COPRS: variants seen among roughly 807,000 people sequenced by gnomAD.
COPRS encodes the protein cooperator of PRMT5.
A neutral mutation model predicts 19.9 loss-of-function variants in COPRS; 11 were observed. The ratio of observed to expected loss-of-function variants is 0.55; its 90% CI spans 0.35 to 0.92. The LOEUF (loss-of-function observed/expected upper bound fraction) is 0.92. COPRS is among the 40% of genes least tolerant of loss of function. The pLI, the probability that COPRS is intolerant of heterozygous loss-of-function variation, is 0.01. For synonymous variants in COPRS, 81 were observed against 82.7 expected (o/e 0.98, Z 0.11); for missense variants, 225 against 229.9 (o/e 0.98, Z 0.14).
At chr17:31,855,056 G>A (rs1909290765) in intron 2 of COPRS, among the ~76,000 whole-genome samples, 1 of 152,142 alleles carries the variant, frequency 6.6e-6, no homozygotes, top group East Asian at 1.9e-4. Context: ...TCTGTAAAAT[G>A]AAGATAGGGT....
chr17:31,854,887 G>C (rs1909284722), intron 2 of COPRS, among the ~76,000 whole-genome samples: 1 of 152,182 alleles, frequency 6.6e-6, no homozygotes, highest in Non-Finnish European at 1.5e-5. Flanking sequence ...AAAGATTCTG[G>C]AACTAGGTAG....
chr17:31,858,875 A>AG (rs1909443771), intron 1 of COPRS: 1 of 1,537,418 alleles, frequency 6.5e-7, no homozygotes, highest in African/African-American at 1.4e-5. Context: ...GCTGACCCAG[A>AG]GCGCCCACCC....
chr17:31,855,146 T>C (rs913113069), intron 2 of COPRS, among the ~76,000 whole-genome samples: 2 of 149,082 alleles, frequency 1.3e-5, no homozygotes, highest in African/African-American at 2.5e-5. Context: ...GAGGCCGAGG[T>C]GGGCGGATCA....
rs1236022563 is a variant in COPRS at position 31,851,920 on chromosome 17, A to AAC, written c.*217_*218dup. 1.9e-5 allele frequency: 10 copies of AAC among 533,828 alleles called. No individual in the cohort carries two copies. The Admixed American group carries it at 2.7e-4, about 15-fold the overall frequency. 33.1% of individuals were successfully genotyped at this position (533,828 alleles called of 1,614,324 possible). On this transcript the variant is annotated 3_prime_UTR_variant, in exon 4 of 4. Coordinates refer to ENST00000302362, the MANE Select transcript of COPRS (RefSeq NM_018405.4). ...AAAGAACACAACTCCTCTTGACACA[A>AAC]ACACACACACATTTCAAGGAGGAGC...
At chr17:31,858,876 G>C in intron 1 of COPRS, 1 of 1,537,714 alleles carries the variant, frequency 6.5e-7, no homozygotes, top group Non-Finnish European at 8.7e-7. Flanking sequence ...CTGACCCAGA[G>C]CGCCCACCCA....
intron 2 of COPRS, among the ~76,000 whole-genome samples, chr17:31,856,335 A>C (rs1259906531): frequency 6.6e-6 from 1 of 151,340 alleles, no homozygotes; most frequent in East Asian, 1.9e-4. Flanking sequence ...CTCCGTTTCA[A>C]AAAAAAAAGA....
At position 31,852,240 on chromosome 17, in the gene COPRS, C is replaced by G; in HGVS notation, c.454G>C (p.Asp152His). The change falls in exon 4 of 4, where the codon GAC becomes CAC. Residue 152 changes from aspartate (D) to histidine (H), a missense_variant. Around this residue, in one of 3 missense-constraint regions of COPRS, gnomAD observed 170 missense variants for 171.4 expected, o/e 0.99. Transcript: ENST00000302362. ...KPWVCCAPQG[D>H]MIYDPSWHHP... is the part of the protein sequence containing the mutation. ...TGCCAGCTGGGGTCATAGATCATGT[C>G]TCCTTGTGGGGCACAGCACACCCAA... 2 of 1,614,090 alleles carry G rather than the reference C, an allele frequency of 1.2e-6. No homozygotes were observed. The highest frequency in any genetic ancestry group is 1.7e-6 in the Non-Finnish European group (2 of 1,179,980).
chr17:31,857,286 G>C (rs1035426980), intron 1 of COPRS, among the ~76,000 whole-genome samples: 2 of 152,202 alleles, frequency 1.3e-5, no homozygotes, highest in Admixed American at 6.5e-5. Flanking sequence ...CAGCTCTGCA[G>C]AGCCTTTTCC....
chr17:31,858,891 C>G, intron 1 of COPRS: 1 of 1,525,092 alleles, frequency 6.6e-7, no homozygotes, highest in Non-Finnish European at 8.8e-7. Flanking sequence ...CACCCACGCC[C>G]TCGGCTTTCC....
In COPRS at chr17:31,858,387, T is replaced by C. The variant is rs968076441; in HGVS notation, c.99+714A>G. ...CATATCTTACTTTGGCTAAGTACCA[T>C]CTTTGAGGCATCATTCATCCAGTCG... On this transcript the variant is annotated intron_variant, in intron 1 of 3. Transcript: ENST00000302362. 21 of 985,334 alleles carry C rather than the reference T, an allele frequency of 2.1e-5. No individual in the cohort carries two copies. The African/African-American group carries it at 3.0e-4, about 14-fold the overall frequency. 61.0% of individuals were successfully genotyped at this position (985,334 alleles called of 1,614,324 possible).
Position 31,852,256 on chromosome 17 carries a change from G to C in COPRS, c.438C>G (p.Cys146Trp). Residue 146 changes from cysteine to tryptophan, a missense_variant, in exon 4 of 4, where the codon TGC becomes TGG. Physicochemically the swap from Cys to Trp is radical, Grantham distance 215. Coordinates refer to ENST00000302362, the MANE Select transcript of COPRS (RefSeq NM_018405.4). ...AGATCATGTCTCCTTGTGGGGCACAGCACACCCAAGGTTTAAGCTCTTGAG... is the reference window on the plus strand; with the variant it reads ...AGATCATGTCTCCTTGTGGGGCACACCACACCCAAGGTTTAAGCTCTTGAG... ...SISQELKPWV[C>W]CAPQGDMIYD... 3 of 1,613,830 alleles carry C rather than the reference G, an allele frequency of 1.9e-6. No homozygotes were observed. The African/African-American group carries it at 4.0e-5, about 22-fold the overall frequency.
Position 31,859,117 on chromosome 17 carries a change from G to C in COPRS, c.83C>G (p.Ala28Gly). 9.2e-7 allele frequency: 1 copy of C among 1,088,266 alleles called. No individual in the cohort carries two copies. The highest frequency in any genetic ancestry group is 6.4e-5 in the East Asian group (1 of 15,506). The allele number at this position is 1,088,266 out of a possible 1,614,324, so 67.4% of individuals were successfully genotyped here. Reference protein sequence around the residue: ...RGPPLPSARGAPPSPEAGFAT... With the variant: ...RGPPLPSARGGPPSPEAGFAT... ...GGCGCTCACCTCCGGGCTGGGGGGCGCCCCCCGCGCGCTAGGCAGCGGCGG... is the reference window on the plus strand; with the variant it reads ...GGCGCTCACCTCCGGGCTGGGGGGCCCCCCCCGCGCGCTAGGCAGCGGCGG... Residue 28 changes from alanine (A) to glycine (G), a missense_variant, in exon 1 of 4, where the codon GCG becomes GGG. Ala to Gly is a moderately conservative substitution (Grantham distance 60, BLOSUM62 0). Around this residue, in one of 3 missense-constraint regions of COPRS, gnomAD observed 51 missense variants for 39.2 expected, o/e 1.30. Coordinates refer to ENST00000302362, the MANE Select transcript of COPRS (RefSeq NM_018405.4).
chr17:31,857,371 G>A (rs963875349), intron 1 of COPRS, among the ~76,000 whole-genome samples: 1 of 152,126 alleles, frequency 6.6e-6, no homozygotes, highest in African/African-American at 2.4e-5. Flanking sequence ...CCCTGCGGTT[G>A]CCACCCCCAG....
chr17:31,857,411 C>A (rs987443694), intron 1 of COPRS, among the ~76,000 whole-genome samples: 1 of 152,182 alleles, frequency 6.6e-6, no homozygotes. Flanking sequence ...AGTTACTTAA[C>A]AACTTTATAG....
Position 31,852,962 on chromosome 17 carries a change from C to G in COPRS, c.235G>C (p.Gly79Arg). The G allele has an allele frequency of 1.2e-6, 2 of 1,614,176 alleles. No homozygotes were observed. The highest frequency in any genetic ancestry group is 2.2e-5 in the East Asian group (1 of 44,874). The part of the protein sequence containing the change: ...RGEGTHSEEE[G>R]FAMDEEDSDG... Reference sequence around the variant, plus strand: ...GAGTCCTCCTCATCCATGGCAAAGCCTTCCTCTTCAGAATGGGTGCCCTCA... The same window carrying G: ...GAGTCCTCCTCATCCATGGCAAAGCGTTCCTCTTCAGAATGGGTGCCCTCA... Residue 79 changes from glycine to arginine, a missense_variant, in exon 3 of 4, where the codon GGC (glycine) becomes CGC (arginine). Around this residue, in one of 3 missense-constraint regions of COPRS, gnomAD observed 170 missense variants for 171.4 expected, o/e 0.99. Transcript: ENST00000302362.
intron 2 of COPRS, among the ~76,000 whole-genome samples, chr17:31,854,814 C>T (rs1336776480): frequency 6.6e-6 from 1 of 151,678 alleles, no homozygotes; most frequent in Non-Finnish European, 1.5e-5. Context: ...GCCAAGAGCT[C>T]AGAGAAGGAA....
chr17:31,853,250 T>A (rs771081599), intron 2 of COPRS, among the ~76,000 whole-genome samples: 2 of 152,218 alleles, frequency 1.3e-5, no homozygotes, highest in African/African-American at 2.4e-5. Flanking sequence ...AAGGCATTAA[T>A]TGTCAGGTCC....
In COPRS at chr17:31,858,838, G is replaced by A. The variant is rs916427768; in HGVS notation, c.99+263C>T. 4 of 1,548,634 alleles carry A rather than the reference G, an allele frequency of 2.6e-6. No homozygotes were observed. In the African/African-American group the frequency reaches 4.1e-5, roughly 16 times the overall value. Reference sequence around the variant, plus strand: ...CCTCCCATTTACCAAATCCGCAGCGGCGCCCAGCGGGCGGACAGCCGTCTC... The same window carrying A: ...CCTCCCATTTACCAAATCCGCAGCGACGCCCAGCGGGCGGACAGCCGTCTC... On this transcript the variant is annotated intron_variant, in intron 1 of 3. Transcript: ENST00000302362.
intron 3 of COPRS, 143 bp downstream of exon 3, chr17:31,852,669 G>C: frequency 2.8e-6 from 2 of 713,704 alleles, no homozygotes; most frequent in South Asian, 3.1e-5. Context: ...TAAAAGAGAA[G>C]GTGTCACAGA....
Sources: gnomAD v4.1 joint callset for allele counts (sites outside exome capture counted in the v4.1 genomes callset) on GRCh38, gnomAD v4.1.1 for gene constraint, gnomAD v4.1.1 regional missense constraint, MANE v1.5 for transcripts, NCBI Gene and HGNC (gene_info 2026-07-23, HGNC 2026-07-21) for gene names.